The following FLRT2 variants were observed in gnomAD, a reference collection of about 807,000 sequenced individuals.
FLRT2 encodes the protein leucine-rich repeat transmembrane protein FLRT2.
FLRT2 carries 15 observed loss-of-function variants against 40.0 expected under a neutral mutation model. The observed-to-expected ratio is 0.38, with a 90% confidence interval of 0.25 to 0.58. The LOEUF is 0.58. FLRT2 is among the 20% of genes least tolerant of loss of function. The probability of loss-of-function intolerance (pLI) is 0.71; values close to 1 mark genes in which losing one functional copy is unlikely to be tolerated. For synonymous variants in FLRT2, 380 were observed against 336.8 expected, an observed-to-expected ratio of 1.13 and a Z score of -1.41; for missense variants, 726 against 840.0, an observed-to-expected ratio of 0.86 and a Z score of 1.68.
At chr14:85,543,526 CT>C (rs1385154128) in intron 1 of FLRT2, among the ~76,000 whole-genome samples, 1 of 131,942 alleles carries the variant, frequency 7.6e-6, no homozygotes, top group Non-Finnish European at 1.7e-5. Context: ...AATTAATTTT[CT>C]AAAAAAAAAA....
In FLRT2 at chr14:85,558,652, A is replaced by C. The variant is rs538911099; in HGVS notation, c.-377+28118A>C. Among the ~76,000 whole-genome samples the C allele has an allele frequency of 2.0e-5, 3 of 152,334 alleles. No homozygotes were observed. The East Asian group carries it at 5.8e-4, about 29-fold the overall frequency. On this transcript the variant is annotated intron_variant, in intron 1 of 1. Coordinates refer to ENST00000330753, the MANE Select transcript of FLRT2 (RefSeq NM_013231.6). ...CTTGCTACCTAATGCTTTCAGTTTA[A>C]AATGACATCACAAAAGAGAGGGGAA...
intron 1 of FLRT2, among the ~76,000 whole-genome samples, chr14:85,578,873 G>C (rs1454098721): frequency 1.3e-5 from 2 of 152,122 alleles, no homozygotes; most frequent in South Asian, 2.1e-4. Flanking sequence ...GGCCATCCCT[G>C]CTCCTCAAAC....
At chr14:85,582,104 T>C (rs1891412793) in intron 1 of FLRT2, among the ~76,000 whole-genome samples, 1 of 152,174 alleles carries the variant, frequency 6.6e-6, no homozygotes, top group Non-Finnish European at 1.5e-5. Flanking sequence ...CTGTGTGATA[T>C]AGGAGGTTGA....
At chr14:85,598,297 G>A (rs754971683) in intron 1 of FLRT2, among the ~76,000 whole-genome samples, 4 of 152,130 alleles carry the variant, frequency 2.6e-5, no homozygotes, top group Non-Finnish European at 4.4e-5. Flanking sequence ...AGGAAGTGTT[G>A]GGACATACAA....
chr14:85,574,293 A>C (rs903830427), intron 1 of FLRT2, among the ~76,000 whole-genome samples: 2 of 151,450 alleles, frequency 1.3e-5, no homozygotes, highest in African/African-American at 2.4e-5. Context: ...ACATAAGAAT[A>C]GAAGATAAAT....
intron 1 of FLRT2, among the ~76,000 whole-genome samples, chr14:85,598,423 A>T (rs1329946925): frequency 6.6e-6 from 1 of 152,198 alleles, no homozygotes; most frequent in Non-Finnish European, 1.5e-5. Context: ...ATTATACGGG[A>T]ATTCTAAACT....
chr14:85,531,889 C>T (rs1045892393), intron 1 of FLRT2, among the ~76,000 whole-genome samples: 8 of 152,186 alleles, frequency 5.3e-5, no homozygotes, highest in African/African-American at 1.7e-4. Flanking sequence ...CGTGTGTGAG[C>T]GCGTGTGCCA....
chr14:85,561,620 C>A (rs1474754972), intron 1 of FLRT2, among the ~76,000 whole-genome samples: 17 of 152,276 alleles, frequency 1.1e-4, no homozygotes. Context: ...ATGCACGGCT[C>A]CTGCCATCAT....
At position 85,636,765 on chromosome 14, in the gene FLRT2, C is replaced by T. The variant is rs941362409; in HGVS notation, c.*13268C>T. 1.2e-4 allele frequency: 18 copies of T among 151,342 alleles called. No individual in the cohort carries two copies. The highest frequency in any genetic ancestry group is 2.1e-4 in the Non-Finnish European group (14 of 67,892). 9.4% of individuals were successfully genotyped at this position (151,342 alleles called of 1,614,324 possible). On this transcript the variant is annotated 3_prime_UTR_variant, in exon 2 of 2. Transcript: ENST00000330753. ...CCAACATGGTGAAAGCCCGCCTTTA[C>T]TAAAAATACAAAAATTAGCAGGGTA...
In FLRT2 at chr14:85,636,271, A is replaced by C. The variant is rs1893996647; in HGVS notation, c.*12774A>C. 1 of 151,940 alleles carries C rather than the reference A, an allele frequency of 6.6e-6. No individual in the cohort carries two copies. Among genetic ancestry groups the C allele is most frequent in the Non-Finnish European group, 1.5e-5 (1 of 67,966 alleles). 9.4% of individuals were successfully genotyped at this position (151,940 alleles called of 1,614,324 possible). A position where few individuals can be genotyped will look rare whatever the true frequency, so the allele number is the denominator to read the frequency against. On this transcript the variant is annotated 3_prime_UTR_variant, in exon 2 of 2. Coordinates refer to ENST00000330753, the MANE Select transcript of FLRT2 (RefSeq NM_013231.6). The stretch of plus-strand genomic sequence containing the variant: ...ATTTTTAAAAGAATTTATCAAAGTA[A>C]CTATAATAAAAGTATTTAATGGTAT...
At chr14:85,579,801 A>G (rs1350583890) in intron 1 of FLRT2, among the ~76,000 whole-genome samples, 1 of 152,182 alleles carries the variant, frequency 6.6e-6, no homozygotes, top group Non-Finnish European at 1.5e-5. Flanking sequence ...CTTACAGGGC[A>G]AAAATGACAG....
In FLRT2 at chr14:85,636,890, C is replaced by T. The variant is rs971130591; in HGVS notation, c.*13393C>T. 28 of 123,292 alleles carry T rather than the reference C, an allele frequency of 2.3e-4. No individual in the cohort carries two copies. Among genetic ancestry groups the T allele is most frequent in the African/African-American group, 8.8e-4 (28 of 31,662 alleles). 7.6% of individuals were successfully genotyped at this position (123,292 alleles called of 1,614,324 possible). A position where few individuals can be genotyped will look rare whatever the true frequency, so the allele number is the denominator to read the frequency against. On this transcript the variant is annotated 3_prime_UTR_variant, in exon 2 of 2. Coordinates refer to ENST00000330753, the MANE Select transcript of FLRT2 (RefSeq NM_013231.6). ...GTTGCAGTGAGCTGAGATAGTGCCA[C>T]TGCATTCTAGCCTGGGTGACAGAGC...
intron 1 of FLRT2, among the ~76,000 whole-genome samples, chr14:85,537,973 C>T (rs1258185266): frequency 6.6e-6 from 1 of 151,706 alleles, no homozygotes; most frequent in Non-Finnish European, 1.5e-5. Flanking sequence ...GGAAATTCAT[C>T]ATGTTGTGTT....
At chr14:85,566,894 G>A (rs1185311710) in intron 1 of FLRT2, among the ~76,000 whole-genome samples, 1 of 152,010 alleles carries the variant, frequency 6.6e-6, no homozygotes, top group Admixed American at 6.6e-5. Context: ...TTCCGTTTCT[G>A]CCAGATGAAG....
chr14:85,549,904 C>T (rs77882619), intron 1 of FLRT2, among the ~76,000 whole-genome samples: 3,632 of 150,746 alleles, frequency 0.024, 45 homozygotes, highest in South Asian at 0.04. Context: ...GGCCACAGTA[C>T]ATCTTGCCTA....
chr14:85,580,417 T>G (rs748532015), intron 1 of FLRT2, among the ~76,000 whole-genome samples: 4 of 152,184 alleles, frequency 2.6e-5, no homozygotes, highest in African/African-American at 4.8e-5. Flanking sequence ...GCAAAAGAAG[T>G]TTGTGTTCAT....
chr14:85,590,464 C>T (rs531302017), intron 1 of FLRT2, among the ~76,000 whole-genome samples: 22 of 152,290 alleles, frequency 1.4e-4, no homozygotes, highest in South Asian at 4.1e-4. Flanking sequence ...TTGATGAATA[C>T]TTCCTTTTCT....
intron 1 of FLRT2, among the ~76,000 whole-genome samples, chr14:85,550,809 T>A (rs1889575075): frequency 6.6e-6 from 1 of 152,226 alleles, no homozygotes; most frequent in African/African-American, 2.4e-5. Context: ...AGGATTGATC[T>A]CCTTGTCTAA....
intron 1 of FLRT2, among the ~76,000 whole-genome samples, chr14:85,578,211 T>C (rs1213752053): frequency 2.1e-5 from 3 of 146,304 alleles, no homozygotes; most frequent in South Asian, 4.2e-4. Flanking sequence ...TATATATAAA[T>C]ATACGTATAT....
Sources: gnomAD v4.1 joint callset for allele counts (sites outside exome capture counted in the v4.1 genomes callset) on GRCh38, gnomAD v4.1.1 for gene constraint, MANE v1.5 for transcripts, NCBI Gene and HGNC (gene_info 2026-07-23, HGNC 2026-07-21) for gene names.